Variants in GABRB3 observed in about 807,000 individuals in gnomAD.
GABRB3 encodes gamma-aminobutyric acid type A receptor subunit beta3.
Under a neutral mutation model 52.1 loss-of-function variants are expected in GABRB3, and 14 were observed. The ratio of observed to expected loss-of-function variants is 0.27; its 90% CI spans 0.18 to 0.42. The LOEUF is 0.42. GABRB3 is among the 10% of genes least tolerant of loss of function. The pLI is 1.00. For synonymous variants in GABRB3, 260 were observed against 232.3 expected (o/e 1.12, Z -1.08); for missense variants, 307 against 609.1 (o/e 0.50, Z 5.22).
At chr15:26,745,323 T>C (rs1345486642) in intron 3 of GABRB3, among the ~76,000 whole-genome samples, 1 of 152,170 alleles carries the variant, frequency 6.6e-6, no homozygotes, top group Non-Finnish European at 1.5e-5. Flanking sequence ...AAAAATAAAT[T>C]CTTAAGAAGT....
At chr15:26,687,021 C>T (rs1888429153) in intron 3 of GABRB3, among the ~76,000 whole-genome samples, 1 of 152,236 alleles carries the variant, frequency 6.6e-6, no homozygotes, top group African/African-American at 2.4e-5. Context: ...GGCTCCATGC[C>T]AAGAGGCGCA....
intron 7 of GABRB3, among the ~76,000 whole-genome samples, chr15:26,563,112 ACCGAGCG>A (rs1890047705): frequency 2.0e-5 from 3 of 152,248 alleles, no homozygotes; most frequent in African/African-American, 7.2e-5. Context: ...ATTTGGGAAG[ACCGAGCG>A]CTTTGCTTTA....
chr15:26,617,144 C>T (rs959724196), intron 4 of GABRB3, among the ~76,000 whole-genome samples: 1 of 152,078 alleles, frequency 6.6e-6, no homozygotes. Flanking sequence ...CCGAATTCTA[C>T]CAGAGGTACA....
At chr15:26,648,110 C>A (rs1012292573) in intron 3 of GABRB3, among the ~76,000 whole-genome samples, 1 of 152,148 alleles carries the variant, frequency 6.6e-6, no homozygotes, top group African/African-American at 2.4e-5. Context: ...TCCATCACCC[C>A]AACTGGAACT....
intron 3 of GABRB3, among the ~76,000 whole-genome samples, chr15:26,651,050 T>C (rs1455955164): frequency 2.0e-5 from 3 of 152,220 alleles, no homozygotes; most frequent in Non-Finnish European, 4.4e-5. Flanking sequence ...CCACTGAGTA[T>C]GGGTACCCAA....
At chr15:26,600,238 G>A (rs527698713) in intron 4 of GABRB3, among the ~76,000 whole-genome samples, 1 of 151,968 alleles carries the variant, frequency 6.6e-6, no homozygotes, top group Non-Finnish European at 1.5e-5. Flanking sequence ...AAGCTTCTGG[G>A]TATCATAGAA....
intron 3 of GABRB3, among the ~76,000 whole-genome samples, chr15:26,746,185 CT>C (rs71420030): frequency 1.7e-4 from 26 of 150,548 alleles, no homozygotes; most frequent in African/African-American, 4.9e-4. Flanking sequence ...CTCACTGTGG[CT>C]TTTTTTTTGC....
intron 3 of GABRB3, among the ~76,000 whole-genome samples, chr15:26,627,112 C>T (rs12439743): frequency 0.15 from 22,593 of 151,952 alleles, 1,766 homozygotes; most frequent in African/African-American, 0.21. Context: ...TTCTGCTAAT[C>T]TACTCCGCCT....
chr15:26,728,228 A>C (rs2140147195), intron 3 of GABRB3, among the ~76,000 whole-genome samples: 1 of 152,230 alleles, frequency 6.6e-6, no homozygotes, highest in South Asian at 2.1e-4. Context: ...TGAGACCAAA[A>C]CCCCAAACAC....
chr15:26,772,525 G>A, intron 2 of GABRB3, 56 bp from the exon 3 acceptor site: 3 of 1,567,200 alleles, frequency 1.9e-6, no homozygotes, highest in African/African-American at 1.4e-5. Flanking sequence ...GGCGCGGGCG[G>A]CTCTGAGGAC....
intron 3 of GABRB3, among the ~76,000 whole-genome samples, chr15:26,771,312 T>A (rs1180149318): frequency 1.3e-5 from 2 of 152,182 alleles, no homozygotes; most frequent in African/African-American, 4.8e-5. Flanking sequence ...CCAGCCTATC[T>A]TGATCAGAAT....
chr15:26,717,790 T>C (rs1003488763), intron 3 of GABRB3, among the ~76,000 whole-genome samples: 2 of 152,204 alleles, frequency 1.3e-5, no homozygotes, highest in African/African-American at 4.8e-5. Flanking sequence ...ATCTTCGTCT[T>C]GTCAGTCTGG....
chr15:26,713,509 G>A (rs1889369259), intron 3 of GABRB3, among the ~76,000 whole-genome samples: 1 of 152,124 alleles, frequency 6.6e-6, no homozygotes, highest in African/African-American at 2.4e-5. Flanking sequence ...TAAGGAGAGA[G>A]GAAGAGGCTA....
intron 3 of GABRB3, among the ~76,000 whole-genome samples, chr15:26,701,438 G>A (rs886706057): frequency 6.6e-6 from 1 of 152,094 alleles, no homozygotes; most frequent in Admixed American, 6.5e-5. Flanking sequence ...TTTTATTTCT[G>A]TATACTAGCA....
intron 3 of GABRB3, among the ~76,000 whole-genome samples, chr15:26,626,353 A>T (rs1160917643): frequency 6.6e-6 from 1 of 152,172 alleles, no homozygotes; most frequent in Non-Finnish European, 1.5e-5. Flanking sequence ...TAGGCCAGTT[A>T]GTAGCCCTCC....
intron 3 of GABRB3, among the ~76,000 whole-genome samples, chr15:26,682,485 C>T (rs562668238): frequency 7.9e-5 from 12 of 152,282 alleles, no homozygotes; most frequent in African/African-American, 2.9e-4. Flanking sequence ...GACACGGAGC[C>T]CGGCACGGGA....
At chr15:26,640,238 C>T in intron 3 of GABRB3, among the ~76,000 whole-genome samples, 1 of 152,114 alleles carries the variant, frequency 6.6e-6, no homozygotes, top group East Asian at 1.9e-4. Flanking sequence ...AAAACGTTGG[C>T]CGGGCGCGGT....
At chr15:26,700,224 G>A (rs1888883710) in intron 3 of GABRB3, among the ~76,000 whole-genome samples, 1 of 152,144 alleles carries the variant, frequency 6.6e-6, no homozygotes, top group African/African-American at 2.4e-5. Context: ...ACAACTTTAT[G>A]CTGATACATT....
chr15:26,579,971 T>G (rs7170724), intron 6 of GABRB3, among the ~76,000 whole-genome samples: 66,699 of 152,030 alleles, frequency 0.44, 17,731 homozygotes, highest in East Asian at 0.83. Context: ...CCTCTGGTCA[T>G]CCTCTTTCCT....
Sources: gnomAD v4.1 joint callset for allele counts (sites outside exome capture counted in the v4.1 genomes callset) on GRCh38, gnomAD v4.1.1 for gene constraint, MANE v1.5 for transcripts, NCBI Gene and HGNC (gene_info 2026-07-23, HGNC 2026-07-21) for gene names.